Variants in PRELID2 observed in about 807,000 individuals in gnomAD.
PRELID2 encodes PRELI domain containing 2, also known as PRELI domain-containing protein 2.
Under a neutral mutation model 28.4 loss-of-function variants are expected in PRELID2, and 25 were observed. That is an observed-to-expected ratio of 0.88 (90% CI 0.64 to 1.23). The LOEUF is 1.23. Ranked by LOEUF, PRELID2 falls within the 50% of genes most tolerant of loss-of-function variation. The probability of loss-of-function intolerance (pLI) is 0.00; values close to 1 mark genes in which losing one functional copy is unlikely to be tolerated. For missense variants in PRELID2, 201 were observed against 214.4 expected (o/e 0.94, Z 0.39); for synonymous variants, 76 against 71.6 (o/e 1.06, Z -0.31).
intron 1 of PRELID2, among the ~76,000 whole-genome samples, chr5:145,549,322 GAATA>G (rs1018897741): frequency 4.1e-4 from 63 of 152,118 alleles, no homozygotes; most frequent in African/African-American, 1.5e-3. Flanking sequence ...TGTGTTTCTT[GAATA>G]AATGAATGAA....
At chr5:145,610,084 T>C (rs1753589293) in intron 1 of PRELID2, among the ~76,000 whole-genome samples, 1 of 152,166 alleles carries the variant, frequency 6.6e-6, no homozygotes, top group African/African-American at 2.4e-5. Context: ...TGCCTCAGTA[T>C]AGAAGTGCAG....
At chr5:145,665,347 T>C (rs952358090) in intron 1 of PRELID2, among the ~76,000 whole-genome samples, 3 of 152,044 alleles carry the variant, frequency 2.0e-5, no homozygotes, top group African/African-American at 4.8e-5. Context: ...CTGAGAATGC[T>C]AAATTGGAAA....
At chr5:145,645,001 G>A (rs1171981675) in intron 1 of PRELID2, among the ~76,000 whole-genome samples, 1 of 152,138 alleles carries the variant, frequency 6.6e-6, no homozygotes, top group East Asian at 1.9e-4. Context: ...GTTGATTTGG[G>A]GTGAAGAGTT....
chr5:145,514,326 A>AAAAAAAAAAAAAAAAAAAAAC (rs1752493890), intron 1 of PRELID2, among the ~76,000 whole-genome samples: 1 of 151,066 alleles, frequency 6.6e-6, no homozygotes, highest in Non-Finnish European at 1.5e-5. Context: ...AGCAAAAAAA[A>AAAAAAAAAAAAAAAAAAAAAC]AAAAAAAGCA....
intron 1 of PRELID2, among the ~76,000 whole-genome samples, chr5:145,579,716 GC>G (rs1252073274): frequency 2.6e-5 from 4 of 152,038 alleles, no homozygotes; most frequent in African/African-American, 9.7e-5. Flanking sequence ...TCGAGGCTGA[GC>G]CCCCCTTTGT....
chr5:145,561,402 C>T (rs73309615), intron 1 of PRELID2, among the ~76,000 whole-genome samples: 1,790 of 152,142 alleles, frequency 0.012, 45 homozygotes, highest in African/African-American at 0.041. Context: ...CCCCTAAGCA[C>T]GGCTCCCAGA....
intron 1 of PRELID2, among the ~76,000 whole-genome samples, chr5:145,656,711 T>A (rs1298881886): frequency 7.4e-6 from 1 of 135,628 alleles, no homozygotes; most frequent in Non-Finnish European, 1.5e-5. Context: ...ATGAGAACAC[T>A]TGGACACAGG....
At chr5:145,449,875 T>C in the PRELID2 span, among the ~76,000 whole-genome samples, 5 of 152,108 alleles carry the variant, frequency 3.3e-5, no homozygotes, top group Non-Finnish European at 5.9e-5. Context: ...GTATCTGCAA[T>C]GCCTAGAACA....
At chr5:145,421,907 C>T in the PRELID2 span, among the ~76,000 whole-genome samples, 94 of 151,648 alleles carry the variant, frequency 6.2e-4, no homozygotes, top group South Asian at 0.013. Flanking sequence ...GCTTTGAATG[C>T]GTCCCAGAGA....
chr5:145,385,767 C>T, the PRELID2 span, among the ~76,000 whole-genome samples: 284 of 152,220 alleles, frequency 1.9e-3, 7 homozygotes, highest in East Asian at 0.041. Context: ...ATATTTAGAT[C>T]ATAAATGACA....
intron 1 of PRELID2, among the ~76,000 whole-genome samples, chr5:145,594,312 T>C (rs1753272440): frequency 6.6e-6 from 1 of 152,212 alleles, no homozygotes; most frequent in Non-Finnish European, 1.5e-5. Context: ...TTGTGCCAAC[T>C]GATAAAAAGT....
chr5:145,421,648 C>T, the PRELID2 span, among the ~76,000 whole-genome samples: 32 of 140,602 alleles, frequency 2.3e-4, no homozygotes, highest in East Asian at 6.1e-4. Context: ...GTCTTGCTAG[C>T]GGTCTATCAA....
the PRELID2 span, among the ~76,000 whole-genome samples, chr5:145,425,090 T>C: frequency 1.3e-5 from 2 of 150,594 alleles, no homozygotes; most frequent in Non-Finnish European, 3.0e-5. Flanking sequence ...CATTAAAAAG[T>C]AGGCAAAAGA....
chr5:145,532,612 C>T (rs1290941913), intron 1 of PRELID2, among the ~76,000 whole-genome samples: 4 of 151,988 alleles, frequency 2.6e-5, no homozygotes, highest in Admixed American at 1.3e-4. Context: ...CAATCTCTTC[C>T]CATTCCCCAT....
chr5:145,292,291 A>G, the PRELID2 span, among the ~76,000 whole-genome samples: 2 of 152,184 alleles, frequency 1.3e-5, no homozygotes, highest in Admixed American at 1.3e-4. Context: ...AGAATTTTGC[A>G]TTCAGACTAA....
intron 1 of PRELID2, among the ~76,000 whole-genome samples, chr5:145,698,607 T>C (rs1185217129): frequency 1.3e-5 from 2 of 152,224 alleles, no homozygotes; most frequent in Non-Finnish European, 2.9e-5. Context: ...TGTCCTCACC[T>C]GGTAGAAGGG....
chr5:145,318,753 C>A, the PRELID2 span, among the ~76,000 whole-genome samples: 1 of 152,188 alleles, frequency 6.6e-6, no homozygotes, highest in Non-Finnish European at 1.5e-5. Flanking sequence ...TGTTACAGTG[C>A]TCTTTTAGCT....
the PRELID2 span, among the ~76,000 whole-genome samples, chr5:145,361,509 A>G: frequency 7.2e-5 from 11 of 152,266 alleles, no homozygotes; most frequent in East Asian, 1.7e-3. Flanking sequence ...TTGAGAATGC[A>G]TCCATTTAAT....
At chr5:145,570,056 C>T (rs1033796544) in intron 1 of PRELID2, among the ~76,000 whole-genome samples, 1 of 152,126 alleles carries the variant, frequency 6.6e-6, no homozygotes, top group Admixed American at 6.5e-5. Flanking sequence ...TCTGGTTGTT[C>T]GCATTGGCAT....
Sources: allele counts gnomAD v4.1 joint callset (sites outside exome capture counted in the v4.1 genomes callset), GRCh38; gene constraint gnomAD v4.1.1; transcripts MANE v1.5; gene names NCBI Gene and HGNC (gene_info 2026-07-23, HGNC 2026-07-21).